TMEM132B: variants seen among roughly 807,000 people sequenced by gnomAD.
TMEM132B encodes transmembrane protein 132B.
A neutral mutation model predicts 90.8 loss-of-function variants in TMEM132B; 18 were observed. The ratio of observed to expected loss-of-function variants is 0.20; its 90% CI spans 0.14 to 0.29. The LOEUF is 0.29. Ranked by LOEUF, TMEM132B falls within the 10% of genes least tolerant of loss-of-function variation. TMEM132B has a pLI of 1.00. For synonymous variants in TMEM132B, 504 were observed against 523.3 expected, an observed-to-expected ratio of 0.96 and a Z score of 0.50; for missense variants, 1,096 against 1,326.8, an observed-to-expected ratio of 0.83 and a Z score of 2.70.
rs567239093 is a variant in TMEM132B, at chr12:125,485,279, G to A, written c.1107-34160G>A. Reference sequence around the variant, plus strand: ...CTGTATGTTCATATTTTTGACTTCCGCAAAGTGTGATGGTGAAATGAGTCC... The same window carrying A: ...CTGTATGTTCATATTTTTGACTTCCACAAAGTGTGATGGTGAAATGAGTCC... On this transcript the variant is annotated intron_variant, in intron 3 of 8. Transcript: ENST00000682704. Among the ~76,000 whole-genome samples, 16 of 152,068 alleles carry A rather than the reference G, an allele frequency of 1.1e-4. No individual in the cohort carries two copies. The South Asian group carries it at 2.1e-3, about 20-fold the overall frequency.
Position 125,214,817 on chromosome 12 carries a change from C to T in TMEM132B, c.67+27951C>T, listed in dbSNP as rs1289952737. ...GCTGCAACATCTGGACTTCCCTGCCCTTCAACTTCCAGATGGATTTGGACA... is the reference window on the plus strand; with the variant it reads ...GCTGCAACATCTGGACTTCCCTGCCTTTCAACTTCCAGATGGATTTGGACA... On this transcript the variant is annotated intron_variant, in intron 1 of 8. Coordinates refer to ENST00000682704, the MANE Select transcript of TMEM132B (RefSeq NM_001366854.1). 3.3e-5 allele frequency among the ~76,000 whole-genome samples: 5 copies of T among 152,346 alleles called. No homozygotes were observed. The East Asian group carries it at 9.6e-4, about 29-fold the overall frequency.
chr12:125,503,477 A>G (rs1882750732), intron 3 of TMEM132B, among the ~76,000 whole-genome samples: 1 of 152,164 alleles, frequency 6.6e-6, no homozygotes, highest in African/African-American at 2.4e-5. Context: ...GCTGGATCTC[A>G]TCGTTATTTG....
At chr12:125,373,812 T>G (rs766123439) in intron 2 of TMEM132B, among the ~76,000 whole-genome samples, 3 of 152,252 alleles carry the variant, frequency 2.0e-5, no homozygotes, top group South Asian at 2.1e-4. Context: ...TGTTTTGTTT[T>G]GAAACGGAGT....
At chr12:125,295,653 A>G (rs1875656463) in intron 1 of TMEM132B, among the ~76,000 whole-genome samples, 1 of 152,066 alleles carries the variant, frequency 6.6e-6, no homozygotes, top group African/African-American at 2.4e-5. Context: ...GTTCATTCTC[A>G]ATAGTGTGCC....
At chr12:125,529,457 C>T (rs910169050) in intron 4 of TMEM132B, among the ~76,000 whole-genome samples, 1 of 152,086 alleles carries the variant, frequency 6.6e-6, no homozygotes, top group African/African-American at 2.4e-5. Flanking sequence ...GCCTGGTGGC[C>T]CCAAAGGCCA....
At chr12:125,451,431 C>T (rs1308887625) in intron 3 of TMEM132B, among the ~76,000 whole-genome samples, 3 of 151,932 alleles carry the variant, frequency 2.0e-5, no homozygotes, top group Non-Finnish European at 4.4e-5. Context: ...CATGTAGATG[C>T]ACAAGAATAA....
intron 5 of TMEM132B, among the ~76,000 whole-genome samples, chr12:125,628,081 G>T (rs918608090): frequency 6.6e-6 from 1 of 152,022 alleles, no homozygotes; most frequent in African/African-American, 2.4e-5. Context: ...TCCAAATCTT[G>T]GCTATTGTCA....
chr12:125,358,712 C>T (rs550573681), intron 2 of TMEM132B, among the ~76,000 whole-genome samples: 48 of 152,262 alleles, frequency 3.2e-4, no homozygotes, highest in African/African-American at 1.1e-3. Flanking sequence ...ACTGATGTGT[C>T]TTCTCAGCAG....
At chr12:125,444,893 C>T (rs1200878418) in intron 3 of TMEM132B, among the ~76,000 whole-genome samples, 1 of 152,180 alleles carries the variant, frequency 6.6e-6, no homozygotes, top group Non-Finnish European at 1.5e-5. Flanking sequence ...AGAATGCAGC[C>T]TTAGCTGCTG....
At chr12:125,516,832 G>T (rs1883173365) in intron 3 of TMEM132B, among the ~76,000 whole-genome samples, 1 of 152,220 alleles carries the variant, frequency 6.6e-6, no homozygotes, top group South Asian at 2.1e-4. Flanking sequence ...ACAAAGCACA[G>T]TGCGGCCCAA....
At chr12:125,367,097 T>C (rs1878156857) in intron 2 of TMEM132B, among the ~76,000 whole-genome samples, 1 of 152,208 alleles carries the variant, frequency 6.6e-6, no homozygotes, top group Non-Finnish European at 1.5e-5. Flanking sequence ...ACATCACTGA[T>C]GACAGTTGTA....
In TMEM132B at chr12:125,654,726, T is replaced by A. The variant is rs1887018268; in HGVS notation, c.*16T>A. The A allele has an allele frequency of 6.2e-7, 1 of 1,605,410 alleles. No individual in the cohort carries two copies. On this transcript the variant is annotated 3_prime_UTR_variant, in exon 9 of 9. Coordinates refer to ENST00000682704, the MANE Select transcript of TMEM132B (RefSeq NM_001366854.1). This position sits in a 1 kb window ranked among gnomAD's most constrained non-coding sequence, Gnocchi z 5.8. ...CCAGATGTAAACTCCTTTCTTATGT[T>A]TGTATTCACCTTTATGCCTTCTGTT...
chr12:125,337,600 C>T lies in TMEM132B; in HGVS notation c.68-11852C>T, dbSNP rs78397752. Among the ~76,000 whole-genome samples the T allele has an allele frequency of 6.0e-3, 914 of 152,238 alleles. 10 individuals carry two copies. The highest frequency in any genetic ancestry group is 0.021 in the African/African-American group (868 of 41,530). On this transcript the variant is annotated intron_variant, in intron 1 of 8. Coordinates refer to ENST00000682704, the MANE Select transcript of TMEM132B (RefSeq NM_001366854.1). The stretch of plus-strand genomic sequence containing the variant: ...CCTGAGCAGCCATATGCAATACGGT[C>T]GACGAGGAAGTTTTTGATTTTCCTC...
At chr12:125,427,137 G>A (rs897646236) in intron 3 of TMEM132B, among the ~76,000 whole-genome samples, 6 of 152,198 alleles carry the variant, frequency 3.9e-5, no homozygotes, top group Admixed American at 1.3e-4. Context: ...CACAGGTGAG[G>A]CTTGATAGTG....
At chr12:125,449,165 C>T (rs1412050804) in intron 3 of TMEM132B, among the ~76,000 whole-genome samples, 2 of 152,050 alleles carry the variant, frequency 1.3e-5, no homozygotes, top group African/African-American at 2.4e-5. Flanking sequence ...GATGGGGTTT[C>T]ACTGTGTTAG....
At chr12:125,307,700 A>G (rs115585667) in intron 1 of TMEM132B, among the ~76,000 whole-genome samples, 288 of 18,268 alleles carry the variant, frequency 0.016, 8 homozygotes, top group African/African-American at 0.051. Context: ...TTACACCTTT[A>G]TTTTCTTTAT....
chr12:125,301,100 G>A (rs1007484601), intron 1 of TMEM132B: 26 of 151,948 alleles, frequency 1.7e-4, no homozygotes, highest in African/African-American at 6.0e-4. Context: ...TTGAAATTTC[G>A]AGCATTTGAC....
intron 3 of TMEM132B, among the ~76,000 whole-genome samples, chr12:125,463,678 G>T (rs74963638): frequency 0.013 from 2,036 of 152,200 alleles, 46 homozygotes; most frequent in African/African-American, 0.047. Flanking sequence ...CTCATTGCTG[G>T]GAGGAATAGA....
chr12:125,416,412 G>C (rs967417195), intron 3 of TMEM132B, among the ~76,000 whole-genome samples: 1 of 152,208 alleles, frequency 6.6e-6, no homozygotes, highest in African/African-American at 2.4e-5. Flanking sequence ...CTCCCAGGAG[G>C]GGGCTCGGAC....
Sources: gnomAD v4.1 joint callset for allele counts (sites outside exome capture counted in the v4.1 genomes callset) on GRCh38, gnomAD v4.1.1 for gene constraint, Gnocchi (gnomAD v3.1) non-coding constraint, MANE v1.5 for transcripts, NCBI Gene and HGNC (gene_info 2026-07-23, HGNC 2026-07-21) for gene names.